The following SSPN variants were observed in gnomAD, a reference collection of about 807,000 sequenced individuals.
SSPN encodes the protein sarcospan.
In SSPN, 15 loss-of-function variants were observed where a neutral mutation model predicts 19.1. The observed-to-expected ratio is 0.78, with a 90% CI of 0.52 to 1.21. The LOEUF (loss-of-function observed/expected upper bound fraction) is 1.21, where lower values mean the gene tolerates loss of function less well. Ranked by LOEUF, SSPN falls within the 50% of genes most tolerant of loss-of-function variation. The pLI, the probability that SSPN is intolerant of heterozygous loss-of-function variation, is 0.00. For missense variants in SSPN, 291 were observed against 314.0 expected (o/e 0.93, Z 0.55); for synonymous variants, 147 against 140.3 (o/e 1.05, Z -0.34).
At chr12:26,215,659 T>G (rs960750312) in intron 1 of SSPN, among the ~76,000 whole-genome samples, 3 of 152,098 alleles carry the variant, frequency 2.0e-5, no homozygotes, top group African/African-American at 7.2e-5. Flanking sequence ...ACTGGAGAGG[T>G]GGTGCAATTT....
chr12:26,204,049 A>T (rs1469233147), intron 1 of SSPN, among the ~76,000 whole-genome samples: 1 of 152,198 alleles, frequency 6.6e-6, no homozygotes, highest in Admixed American at 6.5e-5. Flanking sequence ...CAGCTTCAAC[A>T]TATGACTTAC....
Position 26,157,747 on chromosome 12 carries a change from C to T in SSPN, c.-31+35595C>T, listed in dbSNP as rs57749967. 5.1e-4 allele frequency among the ~76,000 whole-genome samples: 77 copies of T among 152,272 alleles called. No individual in the cohort carries two copies. In the East Asian group the frequency reaches 0.013, roughly 26 times the overall value. On this transcript the variant is annotated intron_variant, in intron 1 of 2. Transcript: ENST00000538142. ...CTCTGACAAAATTAATATTTCCCAG[C>T]TTTTGATTAGATTTAAGTGACTCAG...
intron 1 of SSPN, among the ~76,000 whole-genome samples, chr12:26,202,127 G>A (rs1423572585): frequency 6.6e-6 from 1 of 152,096 alleles, no homozygotes; most frequent in Non-Finnish European, 1.5e-5. Flanking sequence ...TAAATACTAT[G>A]TAAACAGTTG....
chr12:26,124,407 T>TG, intron 1 of SSPN: 1 of 1,219,742 alleles, frequency 8.2e-7, no homozygotes, highest in East Asian at 2.4e-5. Context: ...AATTCACAGT[T>TG]GGGGAAGCTC....
At chr12:26,158,378 C>G (rs1944567947) in intron 1 of SSPN, among the ~76,000 whole-genome samples, 1 of 152,034 alleles carries the variant, frequency 6.6e-6, no homozygotes, top group African/African-American at 2.4e-5. Context: ...ATTTCCTCCC[C>G]ATAATATGTC....
Position 26,231,017 on chromosome 12 carries a change from T to C in SSPN, c.673T>C (p.Tyr225His), listed in dbSNP as rs541896000. The C allele has an allele frequency of 3.7e-6, 6 of 1,614,214 alleles. No individual in the cohort carries two copies. In the Admixed American group the frequency reaches 8.3e-5, roughly 22 times the overall value. The change falls in exon 3 of 3, where the codon TAT becomes CAT. Residue 225 changes from tyrosine (Y) to histidine (H), a missense_variant. Physicochemically the swap from Tyr to His is moderately conservative, Grantham distance 83. Coordinates refer to ENST00000242729, the MANE Select transcript of SSPN (RefSeq NM_005086.5). ...GTGGAAACATAGGTACCAGGTCTTCTATGTGGGTGTCAGGATATGCTCCCT... is the reference window on the plus strand; with the variant it reads ...GTGGAAACATAGGTACCAGGTCTTCCATGTGGGTGTCAGGATATGCTCCCT... ...VMWKHRYQVF[Y>H]VGVRICSLTA...
In SSPN at chr12:26,171,385, AG is replaced by A. The variant is rs576201746; in HGVS notation, c.-31+49234del. 3.7e-3 allele frequency among the ~76,000 whole-genome samples: 569 copies of A among 152,338 alleles called. 1 individual carries two copies. Among genetic ancestry groups the A allele is most frequent in the Non-Finnish European group, 6.7e-3 (457 of 68,022 alleles). On this transcript the variant is annotated intron_variant, in intron 1 of 2. Coordinates refer to the SSPN transcript ENST00000538142. ...TGTTGAACAACCGTTCTCAAACAAT[AG>A]TTTGGTGACCCCTGGAGGTCCCTGA... is the stretch of plus-strand genomic sequence containing the variant.
chr12:26,146,777 G>A (rs1343305733), intron 1 of SSPN, among the ~76,000 whole-genome samples: 5 of 137,676 alleles, frequency 3.6e-5, no homozygotes. Context: ...TAGCCGAGAT[G>A]GGCCACTGCA....
At chr12:26,226,145 C>T (rs898535076) in intron 2 of SSPN, among the ~76,000 whole-genome samples, 1 of 152,172 alleles carries the variant, frequency 6.6e-6, no homozygotes, top group Non-Finnish European at 1.5e-5. Flanking sequence ...TTGATGCTTG[C>T]TGCTAGCTCT....
At chr12:26,124,500 A>G in intron 1 of SSPN, 1 of 1,611,080 alleles carries the variant, frequency 6.2e-7, no homozygotes, top group Non-Finnish European at 8.5e-7. Context: ...TATGAGGAAT[A>G]TCGGGAACTT....
chr12:26,124,478 A>G (rs1321399258), intron 1 of SSPN: 15 of 1,580,806 alleles, frequency 9.5e-6, no homozygotes, highest in Non-Finnish European at 1.3e-5. Flanking sequence ...CTAATTAACT[A>G]CCCATGCAGG....
chr12:26,126,326 A>C (rs1177218030), intron 1 of SSPN: 1 of 152,156 alleles, frequency 6.6e-6, no homozygotes, highest in African/African-American at 2.4e-5. Context: ...GGCTATATAT[A>C]TATTTCTCTA....
At position 26,231,933 on chromosome 12, in the gene SSPN, C is replaced by T. The variant is rs1264539538; in HGVS notation, c.*857C>T. ...TCTGACTGTACTTACGCTGCACTGT[C>T]GGTGTTAAGAGAAATTACTCTCACA... On this transcript the variant is annotated 3_prime_UTR_variant, in exon 3 of 3. Transcript: ENST00000242729. 4 of 985,212 alleles carry T rather than the reference C, an allele frequency of 4.1e-6. No individual in the cohort carries two copies. Among genetic ancestry groups the T allele is most frequent in the South Asian group, 4.7e-5 (1 of 21,280 alleles). 61.0% of individuals were successfully genotyped at this position (985,212 alleles called of 1,614,324 possible). A position where few individuals can be genotyped will look rare whatever the true frequency, so the allele number is the denominator to read the frequency against.
chr12:26,195,464 G>T (rs1344086990), upstream of SSPN: 3 of 889,674 alleles, frequency 3.4e-6, no homozygotes, highest in East Asian at 6.9e-5. Flanking sequence ...GTCCCGGCGC[G>T]TTGGCAGTTG....
intron 2 of SSPN, 24 bp downstream of exon 2, chr12:26,224,403 T>G: frequency 1.3e-6 from 2 of 1,553,682 alleles, no homozygotes; most frequent in Non-Finnish European, 1.8e-6. Flanking sequence ...GTTCTTTCTC[T>G]TTTATCATCA....
chr12:26,232,206 C>G lies in SSPN; in HGVS notation c.*1130C>G, dbSNP rs916967373. The G allele has an allele frequency of 1.0e-6, 1 of 985,364 alleles. No homozygotes were observed. Among genetic ancestry groups the G allele is most frequent in the Non-Finnish European group, 1.2e-6 (1 of 829,902 alleles). The allele number at this position is 985,364 out of a possible 1,614,324, so 61.0% of individuals were successfully genotyped here. A position where few individuals can be genotyped will look rare whatever the true frequency, so the allele number is the denominator to read the frequency against. On this transcript the variant is annotated 3_prime_UTR_variant, in exon 3 of 3. Coordinates refer to ENST00000242729, the MANE Select transcript of SSPN (RefSeq NM_005086.5). Reference sequence around the variant, plus strand: ...ATGAAACTGTATTTGATACATAATCCTATTATTAATTCGTATGCTTAGTCA... The same window carrying G: ...ATGAAACTGTATTTGATACATAATCGTATTATTAATTCGTATGCTTAGTCA...
chr12:26,122,536 C>T (rs1944319551), intron 1 of SSPN: 2 of 1,261,464 alleles, frequency 1.6e-6, no homozygotes, highest in Non-Finnish European at 2.0e-6. Flanking sequence ...CCGAACGCCA[C>T]CAGCGAGCTG....
chr12:26,124,375 G>A, intron 1 of SSPN: 1 of 937,948 alleles, frequency 1.1e-6, no homozygotes, highest in South Asian at 1.4e-5. Context: ...ATCCCCCTGA[G>A]AGTACCCAGC....
At chr12:26,202,749 A>G (rs180903313) in intron 1 of SSPN, among the ~76,000 whole-genome samples, 1 of 152,296 alleles carries the variant, frequency 6.6e-6, no homozygotes, top group East Asian at 1.9e-4. Context: ...ACTTGGTTGT[A>G]TTGTGGCCTG....
Sources: allele counts gnomAD v4.1 joint callset (sites outside exome capture counted in the v4.1 genomes callset), GRCh38; gene constraint gnomAD v4.1.1; transcripts MANE v1.5; gene names NCBI Gene and HGNC (gene_info 2026-07-23, HGNC 2026-07-21).